NDUFB7: variants seen among roughly 807,000 people sequenced by gnomAD.
The protein encoded by NDUFB7 is NADH dehydrogenase [ubiquinone] 1 beta subcomplex subunit 7.
A neutral mutation model predicts 14.7 loss-of-function variants in NDUFB7; 18 were observed. The ratio of observed to expected loss-of-function variants is 1.22; its 90% CI spans 0.85 to 1.81. The LOEUF (loss-of-function observed/expected upper bound fraction) is 1.81, where lower values mean the gene tolerates loss of function less well. NDUFB7 is among the 40% of genes most tolerant of loss of function. The pLI, the probability that NDUFB7 is intolerant of heterozygous loss-of-function variation, is 0.00. For missense variants in NDUFB7, 219 were observed against 195.0 expected, an observed-to-expected ratio of 1.12 and a Z score of -0.73; for synonymous variants, 86 against 76.1, an observed-to-expected ratio of 1.13 and a Z score of -0.68.
At chr19:14,566,962 G>A in intron 1 of NDUFB7, 29 bp from the exon 2 acceptor site, 1 of 1,550,214 alleles carries the variant, frequency 6.5e-7, no homozygotes, top group Non-Finnish European at 8.7e-7. Flanking sequence ...GCTCAACCAG[G>A]CTGGAGGCTC....
chr19:14,571,855 C>G (rs754539205), intron 1 of NDUFB7, 34 bp downstream of exon 1: 1 of 1,581,130 alleles, frequency 6.3e-7, no homozygotes, highest in East Asian at 2.3e-5. Flanking sequence ...CCGCGCCCCA[C>G]GCCCTCTGGC....
In NDUFB7 at chr19:14,566,257, A is replaced by G. The variant is rs1402875660; in HGVS notation, c.290T>C (p.Met97Thr). Residue 97 changes from methionine (M) to threonine (T), a missense_variant, in exon 3 of 3, where the codon ATG becomes ACG. Coordinates refer to ENST00000215565, the MANE Select transcript of NDUFB7 (RefSeq NM_004146.6). ...WDYCEHRDYVMRMKEFERERR... is the reference protein window; with the variant it reads ...WDYCEHRDYVTRMKEFERERR... Reference sequence around the variant, plus strand: ...CTCCCGCTCAAACTCCTTCATGCGCATCACATAGCTGGGGGAAAAGCACGA... The same window carrying G: ...CTCCCGCTCAAACTCCTTCATGCGCGTCACATAGCTGGGGGAAAAGCACGA... The G allele has an allele frequency of 2.5e-6, 4 of 1,613,934 alleles. No homozygotes were observed. Among genetic ancestry groups the G allele is most frequent in the Non-Finnish European group, 2.5e-6 (3 of 1,179,986 alleles).
intron 1 of NDUFB7, 29 bp downstream of exon 1, chr19:14,571,860 T>C: frequency 6.3e-7 from 1 of 1,588,808 alleles, no homozygotes; most frequent in Non-Finnish European, 8.6e-7. Flanking sequence ...CCCCACGCCC[T>C]CTGGCTGCGC....
Position 14,572,060 on chromosome 19 carries a change from C to T in NDUFB7, c.-60G>A. On this transcript the variant is annotated 5_prime_UTR_variant, in exon 1 of 3. Coordinates refer to ENST00000215565, the MANE Select transcript of NDUFB7 (RefSeq NM_004146.6). ...GGGTCACCTAGCTCCTACCCGGAAC[C>T]ACTGACCCCTCAGTCAGACACAGCT... 1 of 1,291,072 alleles carries T rather than the reference C, an allele frequency of 7.7e-7. No homozygotes were observed. Among genetic ancestry groups the T allele is most frequent in the Non-Finnish European group, 1.1e-6 (1 of 933,392 alleles). 80.0% of individuals were successfully genotyped at this position (1,291,072 alleles called of 1,614,324 possible). A position where few individuals can be genotyped will look rare whatever the true frequency, so the allele number is the denominator to read the frequency against.
At position 14,566,150 on chromosome 19, in the gene NDUFB7, G is replaced by A. The variant is rs2074079119; in HGVS notation, c.397C>T (p.Pro133Ser). The A allele has an allele frequency of 6.2e-7, 1 of 1,611,970 alleles. No homozygotes were observed. Among genetic ancestry groups the A allele is most frequent in the Non-Finnish European group, 8.5e-7 (1 of 1,179,246 alleles). The change falls in exon 3 of 3, where the codon CCC (proline) becomes TCC (serine). Residue 133 changes from proline (P) to serine (S), a missense_variant. By Grantham distance (74) the Pro-to-Ser change is moderately conservative (BLOSUM62 -1). Coordinates refer to ENST00000215565, the MANE Select transcript of NDUFB7 (RefSeq NM_004146.6). ...AKGQGPGEVD[P>S]KVAL Reference sequence around the variant, plus strand: ...TGCACCCCCTACAGGGCCACCTTGGGGTCCACTTCCCCGGGTCCCTGGCCT... The same window carrying A: ...TGCACCCCCTACAGGGCCACCTTGGAGTCCACTTCCCCGGGTCCCTGGCCT...
chr19:14,571,320 G>T (rs2074123821), intron 1 of NDUFB7, among the ~76,000 whole-genome samples: 1 of 152,166 alleles, frequency 6.6e-6, no homozygotes, highest in African/African-American at 2.4e-5. Flanking sequence ...CCGAGGCCGG[G>T]CGTGGTGACT....
At chr19:14,569,295 C>T (rs947699082) in intron 1 of NDUFB7, among the ~76,000 whole-genome samples, 2 of 152,058 alleles carry the variant, frequency 1.3e-5, no homozygotes, top group East Asian at 1.9e-4. Context: ...AGGAATGCGC[C>T]ACCACACCCA....
chr19:14,567,395 CCGG>C lies in NDUFB7; in HGVS notation c.113-465_113-463del, dbSNP rs1345132663. On this transcript the variant is annotated intron_variant, in intron 1 of 2. Coordinates refer to ENST00000215565, the MANE Select transcript of NDUFB7 (RefSeq NM_004146.6). The surrounding 1 kb of genome is among the most constrained non-coding windows in gnomAD (Gnocchi z 5.1). ...CACCCAAGGCCCAGCTCTGCACTGGCCGGCGGCGTGGCCTCTCTCTCAGCCTCA... is the reference window on the plus strand; with the variant it reads ...CACCCAAGGCCCAGCTCTGCACTGGCCGGCGTGGCCTCTCTCTCAGCCTCA... Among the ~76,000 whole-genome samples, 1 of 114,128 alleles carries C rather than the reference CCGG, an allele frequency of 8.8e-6. No homozygotes were observed. Among genetic ancestry groups the C allele is most frequent in the Non-Finnish European group, 1.9e-5 (1 of 52,910 alleles). The allele number at this position is 114,128 out of a possible 152,430, so 74.9% of individuals were successfully genotyped here.
At position 14,567,731 on chromosome 19, in the gene NDUFB7, C is replaced by G. The variant is rs2074101420; in HGVS notation, c.113-798G>C. On this transcript the variant is annotated intron_variant, in intron 1 of 2. Coordinates refer to ENST00000215565, the MANE Select transcript of NDUFB7 (RefSeq NM_004146.6). The surrounding 1 kb of genome is among the most constrained non-coding windows in gnomAD (Gnocchi z 5.1). ...ACATCTTTCTCGGTCCCAGCTCCTT[C>G]CCATCTGCGCAAGTGAGACGAGATA... is the stretch of plus-strand genomic sequence containing the variant. Among the ~76,000 whole-genome samples the G allele has an allele frequency of 6.6e-6, 1 of 152,158 alleles. No individual in the cohort carries two copies. The highest frequency in any genetic ancestry group is 6.5e-5 in the Admixed American group (1 of 15,268).
intron 1 of NDUFB7, among the ~76,000 whole-genome samples, chr19:14,569,208 C>T (rs958361915): frequency 5.3e-5 from 8 of 151,698 alleles, no homozygotes; most frequent in Non-Finnish European, 1.2e-4. Flanking sequence ...GTGAAGGATC[C>T]GGGAGGTAAG....
intron 1 of NDUFB7, among the ~76,000 whole-genome samples, chr19:14,571,205 C>T (rs1421718202): frequency 6.6e-6 from 1 of 152,164 alleles, no homozygotes; most frequent in Non-Finnish European, 1.5e-5. Context: ...CTCGAATCTT[C>T]CTTATTTCCT....
At chr19:14,570,496 G>A (rs140116964) in intron 1 of NDUFB7, among the ~76,000 whole-genome samples, 6 of 151,592 alleles carry the variant, frequency 4.0e-5, no homozygotes, top group Non-Finnish European at 5.9e-5. Flanking sequence ...CACCATGCCC[G>A]GCCTCAATTT....
chr19:14,569,594 C>A (rs998359759), intron 1 of NDUFB7, among the ~76,000 whole-genome samples: 1 of 152,196 alleles, frequency 6.6e-6, no homozygotes, highest in African/African-American at 2.4e-5. Context: ...CAAAGCTGAT[C>A]TTGGGGAAAG....
chr19:14,570,769 T>C (rs568986266), intron 1 of NDUFB7, among the ~76,000 whole-genome samples: 2 of 152,356 alleles, frequency 1.3e-5, no homozygotes, highest in African/African-American at 4.8e-5. Context: ...TCCAGTTCCC[T>C]GCTGTATCCG....
Position 14,566,790 on chromosome 19 carries a change from C to T in NDUFB7, c.256G>A (p.Asp86Asn), listed in dbSNP as rs758427722. ...TCGCGGTGCTCGCAGTAGTCCCAGT[C>T]GTGCCGCTCCTGCTTGCAGGCCAGG... is the stretch of plus-strand genomic sequence containing the variant. ...NFLACKQERH[D>N]WDYCEHRDYV... Residue 86 changes from aspartate to asparagine, a missense_variant, in exon 2 of 3, where the codon GAC (aspartate) becomes AAC (asparagine). Coordinates refer to ENST00000215565, the MANE Select transcript of NDUFB7 (RefSeq NM_004146.6). 9 of 1,545,800 alleles carry T rather than the reference C, an allele frequency of 5.8e-6. No individual in the cohort carries two copies. The highest frequency in any genetic ancestry group is 2.4e-5 in the South Asian group (2 of 83,954).
intron 2 of NDUFB7, 125 bp downstream of exon 2, chr19:14,566,640 G>A (rs368714254): frequency 2.5e-5 from 22 of 879,870 alleles, no homozygotes; most frequent in Admixed American, 1.3e-4. Context: ...GGGTGTTGGC[G>A]GGGGTGGGAG....
intron 1 of NDUFB7, among the ~76,000 whole-genome samples, chr19:14,571,069 G>T (rs571209430): frequency 6.6e-6 from 1 of 151,386 alleles, no homozygotes. Context: ...GAGGCGGGAG[G>T]ATCATTTGAG....
intron 1 of NDUFB7, among the ~76,000 whole-genome samples, chr19:14,570,484 G>A (rs988257887): frequency 3.3e-5 from 5 of 152,062 alleles, no homozygotes; most frequent in African/African-American, 9.7e-5. Flanking sequence ...ATGGGTGTGA[G>A]ACACCATGCC....
At chr19:14,568,053 C>T (rs1431862615) in intron 1 of NDUFB7, among the ~76,000 whole-genome samples, 1 of 151,906 alleles carries the variant, frequency 6.6e-6, no homozygotes, top group African/African-American at 2.4e-5. Context: ...GAGCCTTTTT[C>T]TTTTCTTTTG....
Sources: allele counts gnomAD v4.1 joint callset (sites outside exome capture counted in the v4.1 genomes callset), GRCh38; gene constraint gnomAD v4.1.1; non-coding constraint Gnocchi (gnomAD v3.1); transcripts MANE v1.5; gene names NCBI Gene and HGNC (gene_info 2026-07-23, HGNC 2026-07-21).